SYN2: variants seen among roughly 807,000 people sequenced by gnomAD.
SYN2 encodes the protein synapsin II, also known as synapsin-2.
In SYN2, 19 loss-of-function variants were observed where a neutral mutation model predicts 50.9. The ratio of observed to expected loss-of-function variants is 0.37; its 90% CI spans 0.26 to 0.55. The LOEUF (loss-of-function observed/expected upper bound fraction) is 0.55. Ranked by LOEUF, SYN2 falls within the 20% of genes least tolerant of loss-of-function variation. The pLI is 0.81. For synonymous variants in SYN2, 255 were observed against 224.9 expected, an observed-to-expected ratio of 1.13 and a Z score of -1.20; for missense variants, 587 against 576.4, an observed-to-expected ratio of 1.02 and a Z score of -0.19.
In SYN2 at chr3:12,161,850, G is replaced by A. The variant is rs917029426; in HGVS notation, c.838-162G>A. 47 of 1,115,258 alleles carry A rather than the reference G, an allele frequency of 4.2e-5. 1 individual carries two copies. The highest frequency in any genetic ancestry group is 8.8e-6 in the Non-Finnish European group (7 of 797,344). The allele number at this position is 1,115,258 out of a possible 1,614,324, so 69.1% of individuals were successfully genotyped here. On this transcript the variant is annotated intron_variant, in intron 6 of 12. Transcript: ENST00000621198. ...AAGTGTGGCCCTTGAGTTCTGGGAA[G>A]GGAAGCTAGGGAGAAGGGGCCTCCT...
rs1698329142 is a variant in SYN2, at chr3:12,185,703, G to A, written c.1370-1666G>A. 6 of 985,700 alleles carry A rather than the reference G, an allele frequency of 6.1e-6. No individual in the cohort carries two copies. In the South Asian group the frequency reaches 2.8e-4, roughly 46 times the overall value. The allele number at this position is 985,700 out of a possible 1,614,324, so 61.1% of individuals were successfully genotyped here. A position where few individuals can be genotyped will look rare whatever the true frequency, so the allele number is the denominator to read the frequency against. On this transcript the variant is annotated intron_variant, in intron 11 of 12. Transcript: ENST00000621198. ...TTGTGACTCTTGTACAGCTTAATGT[G>A]CAATAAAGGAAAAGTTATATCTGTC...
chr3:12,187,859 A>G (rs1387589763), intron 12 of SYN2, among the ~76,000 whole-genome samples: 2 of 151,758 alleles, frequency 1.3e-5, no homozygotes, highest in African/African-American at 4.8e-5. Flanking sequence ...TCTAAAGTTT[A>G]GCTAGAAATT....
At chr3:12,136,956 T>A (rs905122151) in intron 1 of SYN2, among the ~76,000 whole-genome samples, 1 of 151,964 alleles carries the variant, frequency 6.6e-6, no homozygotes, top group African/African-American at 2.4e-5. Flanking sequence ...AATCAGAAAG[T>A]TCATATTGGT....
chr3:12,173,862 C>A (rs555035383), intron 10 of SYN2, among the ~76,000 whole-genome samples: 3 of 151,990 alleles, frequency 2.0e-5, no homozygotes, highest in African/African-American at 7.3e-5. Context: ...TGCAGTGAGC[C>A]GAGATCGTAC....
chr3:12,049,529 A>AT lies in SYN2; in HGVS notation c.377+44601_377+44602insT, dbSNP rs548182249. On this transcript the variant is annotated intron_variant, in intron 1 of 12. Transcript: ENST00000621198. The stretch of plus-strand genomic sequence containing the variant: ...GTGAGACTCCGTCTCAAAAAAAAAA[A>AT]AATAATAAAAAATAAAAAAACTGAA... Among the ~76,000 whole-genome samples the AT allele has an allele frequency of 1.1e-3, 30 of 28,506 alleles. No homozygotes were observed. In the East Asian group the frequency reaches 0.022, roughly 21 times the overall value. The allele number at this position is 28,506 out of a possible 152,430, so 18.7% of individuals were successfully genotyped here.
chr3:12,174,077 G>C (rs1698002230), intron 10 of SYN2, among the ~76,000 whole-genome samples: 2 of 151,724 alleles, frequency 1.3e-5, no homozygotes, highest in East Asian at 3.9e-4. Flanking sequence ...TACATCATTG[G>C]CTTCCCCTTC....
chr3:12,093,779 A>T (rs919605281), intron 1 of SYN2, among the ~76,000 whole-genome samples: 1 of 151,946 alleles, frequency 6.6e-6, no homozygotes, highest in African/African-American at 2.4e-5. Context: ...TCTAATGGTT[A>T]CTTTTCAAAA....
intron 1 of SYN2, among the ~76,000 whole-genome samples, chr3:12,101,394 AC>A (rs1696072374): frequency 6.6e-6 from 1 of 152,230 alleles, no homozygotes; most frequent in Non-Finnish European, 1.5e-5. Context: ...ACAAAAGACC[AC>A]ACATTGAATG....
At chr3:12,032,869 C>T (rs1694408792) in intron 1 of SYN2, among the ~76,000 whole-genome samples, 1 of 90,580 alleles carries the variant, frequency 1.1e-5, no homozygotes, top group East Asian at 2.9e-4. Context: ...CTGAAGCCTT[C>T]TTCTCTCAGC....
In SYN2 at chr3:12,106,605, A is replaced by G. The variant is rs548869344; in HGVS notation, c.378-34046A>G. On this transcript the variant is annotated intron_variant, in intron 1 of 12. Transcript: ENST00000621198. The stretch of plus-strand genomic sequence containing the variant: ...AAAATTAATGTGTTGGGAGTTATGT[A>G]TGAGGTTTACAATCTTATTCATGTT... Among the ~76,000 whole-genome samples the G allele has an allele frequency of 1.6e-4, 25 of 152,296 alleles. No homozygotes were observed. The East Asian group carries it at 3.1e-3, about 19-fold the overall frequency.
intron 5 of SYN2, among the ~76,000 whole-genome samples, chr3:12,160,042 C>CAA (rs3079818): frequency 3.9e-3 from 263 of 67,236 alleles, no homozygotes; most frequent in Middle Eastern, 0.011. Flanking sequence ...GACTCCGTCT[C>CAA]AAAAAAAAAA....
At chr3:12,084,103 C>G (rs1017739186) in intron 1 of SYN2, among the ~76,000 whole-genome samples, 1 of 152,110 alleles carries the variant, frequency 6.6e-6, no homozygotes, top group African/African-American at 2.4e-5. Context: ...TTTATTTCTG[C>G]CCCTTGAGTT....
At chr3:12,034,880 G>C (rs1288770105) in intron 1 of SYN2, among the ~76,000 whole-genome samples, 1 of 152,162 alleles carries the variant, frequency 6.6e-6, no homozygotes, top group East Asian at 1.9e-4. Context: ...ATTCAGTGCC[G>C]ATGGCCTTCA....
intron 1 of SYN2, among the ~76,000 whole-genome samples, chr3:12,065,547 A>G (rs1695198441): frequency 6.6e-6 from 1 of 152,218 alleles, no homozygotes; most frequent in Admixed American, 6.5e-5. Context: ...TGTCCTTTTC[A>G]GCAAAATGTA....
chr3:12,079,483 C>G (rs1025730758), intron 1 of SYN2, among the ~76,000 whole-genome samples: 6 of 152,048 alleles, frequency 3.9e-5, no homozygotes, highest in Admixed American at 3.9e-4. Context: ...TACTTCAGTA[C>G]CTAGTTTATT....
Position 12,057,029 on chromosome 3 carries a change from G to T in SYN2, c.377+52101G>T, listed in dbSNP as rs143548221. Among the ~76,000 whole-genome samples, 3 of 152,124 alleles carry T rather than the reference G, an allele frequency of 2.0e-5. No homozygotes were observed. The East Asian group carries it at 5.8e-4, about 29-fold the overall frequency. On this transcript the variant is annotated intron_variant, in intron 1 of 12. Transcript: ENST00000621198. ...ATCTGGGCCAGGTGTGGTGGCTCAC[G>T]CCTGTAATCCCAGCACCTTTGGGAG... is the stretch of plus-strand genomic sequence containing the variant.
At chr3:12,159,813 C>T (rs555858934) in intron 5 of SYN2, among the ~76,000 whole-genome samples, 11 of 152,098 alleles carry the variant, frequency 7.2e-5, no homozygotes, top group East Asian at 1.9e-4. Context: ...GAAGCCAAGG[C>T]GGGTTGATCA....
chr3:12,133,103 G>A (rs546327607), intron 1 of SYN2, among the ~76,000 whole-genome samples: 1 of 152,282 alleles, frequency 6.6e-6, no homozygotes, highest in Admixed American at 6.5e-5. Flanking sequence ...ATTTCCCCAT[G>A]CACTCTCTTC....
chr3:12,010,862 C>A (rs1435451001), intron 1 of SYN2, among the ~76,000 whole-genome samples: 1 of 152,320 alleles, frequency 6.6e-6, no homozygotes, highest in Non-Finnish European at 1.5e-5. Context: ...TACATTATTG[C>A]TACCATATGT....
Sources: gnomAD v4.1 joint callset for allele counts (sites outside exome capture counted in the v4.1 genomes callset) on GRCh38, gnomAD v4.1.1 for gene constraint, MANE v1.5 for transcripts, NCBI Gene and HGNC (gene_info 2026-07-23, HGNC 2026-07-21) for gene names.